Variants in OGFOD2 observed in about 807,000 individuals in gnomAD.
The protein encoded by OGFOD2 is 2-oxoglutarate and iron-dependent oxygenase domain-containing protein 2.
Under a neutral mutation model 31.1 loss-of-function variants are expected in OGFOD2, and 34 were observed. That is an observed-to-expected ratio of 1.09 (90% confidence interval 0.83 to 1.45). The LOEUF is 1.45. Ranked by LOEUF, OGFOD2 falls within the 40% of genes most tolerant of loss-of-function variation. The pLI, the probability that OGFOD2 is intolerant of heterozygous loss-of-function variation, is 0.00. For missense variants in OGFOD2, 537 were observed against 433.9 expected, an observed-to-expected ratio of 1.24 and a Z score of -2.11; for synonymous variants, 240 against 192.3, an observed-to-expected ratio of 1.25 and a Z score of -2.05.
chr12:122,974,858 C>G (rs1201318405), upstream of OGFOD2: 1 of 168,032 alleles, frequency 6.0e-6, no homozygotes, highest in East Asian at 1.7e-4. Context: ...GACCTCCGAG[C>G]TCTTTAAACT....
intron 4 of OGFOD2, 67 bp from the exon 5 acceptor site, chr12:122,978,375 G>C: frequency 1.3e-6 from 2 of 1,590,588 alleles, no homozygotes; most frequent in South Asian, 2.2e-5. Context: ...GAAACAGGAA[G>C]ACTGAAGCCC....
chr12:122,976,088 T>G, intron 2 of OGFOD2: 1 of 596,608 alleles, frequency 1.7e-6, no homozygotes, highest in South Asian at 2.0e-5. Flanking sequence ...CATGCCGTTC[T>G]TAACAGCTCT....
At chr12:122,976,219 C>T in intron 2 of OGFOD2, 1 of 633,866 alleles carries the variant, frequency 1.6e-6, no homozygotes, top group Non-Finnish European at 2.8e-6. Context: ...TTCCAGGCCC[C>T]TGGGCTCCTC....
exon 5 of OGFOD2, chr12:122,978,495 C>T (rs75086454): frequency 2.5e-6 from 4 of 1,613,486 alleles, no homozygotes; most frequent in Middle Eastern, 1.6e-4. Flanking sequence ...CTGCCAGGCC[C>T]TGCTGGAAGA....
At position 122,978,586 on chromosome 12, in the gene OGFOD2, C is replaced by T. The variant is rs759752318; in HGVS notation, c.531+17C>T. The stretch of plus-strand genomic sequence containing the variant: ...AACTACGGGGTGGGTGAGGCCTGGC[C>T]GGTGGCAGAGGAGGGGGTGGCTGGG... On this transcript the variant is annotated intron_variant, in intron 5 of 6. Coordinates refer to ENST00000228922, the Ensembl canonical transcript of OGFOD2. 8 of 1,607,294 alleles carry T rather than the reference C, an allele frequency of 5.0e-6. No homozygotes were observed. The highest frequency in any genetic ancestry group is 4.0e-5 in the African/African-American group (3 of 74,824).
chr12:122,976,289 C>T, intron 2 of OGFOD2: 2 of 1,320,172 alleles, frequency 1.5e-6, no homozygotes, highest in Non-Finnish European at 2.2e-6. Flanking sequence ...CCCTCCTCCT[C>T]CTTCCCCTGG....
At chr12:122,975,254 G>T in exon 1 of OGFOD2, 1 of 679,902 alleles carries the variant, frequency 1.5e-6, no homozygotes, top group Non-Finnish European at 2.7e-6. Flanking sequence ...GCTTCACTAT[G>T]GCGACGGTGG....
intron 4 of OGFOD2, 136 bp from the exon 5 acceptor site, chr12:122,978,302 ACTTC>A (rs2037492791): frequency 4.8e-6 from 5 of 1,045,958 alleles, no homozygotes; most frequent in Non-Finnish European, 6.9e-6. Context: ...TCCTCATGTT[ACTTC>A]CTTAAGTCAT....
intron 4 of OGFOD2, chr12:122,977,320 C>G (rs943792788): frequency 1.2e-5 from 4 of 346,482 alleles, no homozygotes; most frequent in African/African-American, 6.4e-5. Context: ...ATAAAGGGAC[C>G]AGTAAGGAAT....
chr12:122,979,272 G>A (rs2037543370), exon 7 of OGFOD2: 2 of 1,612,868 alleles, frequency 1.2e-6, no homozygotes, highest in African/African-American at 2.7e-5. Context: ...GCCCGACCTG[G>A]TGGACGATGA....
intron 4 of OGFOD2, 135 bp from the exon 5 acceptor site, chr12:122,978,307 C>T (rs2037493034): frequency 3.6e-6 from 4 of 1,118,560 alleles, no homozygotes; most frequent in Non-Finnish European, 5.1e-6. Context: ...ATGTTACTTC[C>T]TTAAGTCATC....
chr12:122,974,781 G>T (rs987667185), upstream of OGFOD2: 3 of 153,368 alleles, frequency 2.0e-5, no homozygotes, highest in African/African-American at 7.2e-5. Flanking sequence ...AGGGACCCGG[G>T]GTAGATGCTA....
At chr12:122,978,342 C>G in intron 4 of OGFOD2, 100 bp from the exon 5 acceptor site, 2 of 1,466,824 alleles carry the variant, frequency 1.4e-6, no homozygotes, top group Admixed American at 3.9e-5. Context: ...AAGCAAAGGC[C>G]TCATCTCCAT....
chr12:122,978,976 CAG>C lies in OGFOD2; in HGVS notation c.756_757del (p.Gly254ArgfsTer45), dbSNP rs769682320. On this transcript the variant is annotated frameshift_variant, in exon 6 of 7. Coordinates refer to ENST00000228922, the Ensembl canonical transcript of OGFOD2. LOFTEE classifies it high-confidence loss of function. ...AATGTGGCCTTGGGCAAGGTCTTCACAGGGGGCGCCCTGTATTTTGGGGGCCT... is the reference window on the plus strand; with the variant it reads ...AATGTGGCCTTGGGCAAGGTCTTCACGGGGCGCCCTGTATTTTGGGGGCCT... 8 of 1,613,186 alleles carry C rather than the reference CAG, an allele frequency of 5.0e-6. No individual in the cohort carries two copies. Among genetic ancestry groups the C allele is most frequent in the Admixed American group, 1.7e-5 (1 of 60,032 alleles).
chr12:122,978,653 C>T, intron 5 of OGFOD2, 84 bp downstream of exon 5: 1 of 1,588,476 alleles, frequency 6.3e-7, no homozygotes, highest in Non-Finnish European at 8.6e-7. Context: ...GGGCTGCCTG[C>T]CCGGGCTGCG....
At chr12:122,975,817 C>T (rs1396631057) in exon 2 of OGFOD2, 1 of 702,908 alleles carries the variant, frequency 1.4e-6, no homozygotes, top group Admixed American at 2.0e-5. Flanking sequence ...CCAGATCCTG[C>T]GCAGCCGAGG....
At chr12:122,978,835 T>G in exon 6 of OGFOD2, 1 of 1,612,872 alleles carries the variant, frequency 6.2e-7, no homozygotes, top group South Asian at 1.1e-5. Context: ...ATGGCCCTGC[T>G]GTACCCTGAC....
rs1351563907 is a variant in OGFOD2 at position 122,979,900 on chromosome 12, C to T, written c.*554C>T. 2.1e-5 allele frequency: 6 copies of T among 284,130 alleles called. 1 individual carries two copies. The South Asian group carries it at 8.2e-4, about 39-fold the overall frequency. 17.6% of individuals were successfully genotyped at this position (284,130 alleles called of 1,614,324 possible). A position where few individuals can be genotyped will look rare whatever the true frequency, so the allele number is the denominator to read the frequency against. ...GGCCAGGAACCAGGCTGCCCGGGTT[C>T]CCATTCTGCTTCTGCCACTTCCAGC... On this transcript the variant is annotated 3_prime_UTR_variant, in exon 7 of 7. Coordinates refer to ENST00000228922, the Ensembl canonical transcript of OGFOD2.
chr12:122,979,184 T>C (rs768824573), exon 7 of OGFOD2: 4 of 1,611,908 alleles, frequency 2.5e-6, no homozygotes, highest in Admixed American at 1.7e-5. Context: ...CCTTGGGCAC[T>C]GGTGAGCGTT....
Sources: gnomAD v4.1 joint callset for allele counts on GRCh38, gnomAD v4.1.1 for gene constraint, MANE v1.5 for transcripts, NCBI Gene and HGNC (gene_info 2026-07-23, HGNC 2026-07-21) for gene names.